The following IDI1 variants were observed in gnomAD, a reference collection of about 807,000 sequenced individuals.
The protein encoded by IDI1 is isopentenyl-diphosphate delta isomerase 1.
IDI1 carries 23 observed loss-of-function variants against 32.9 expected under a neutral mutation model. The ratio of observed to expected loss-of-function variants is 0.70; its 90% CI spans 0.50 to 0.99. The LOEUF (loss-of-function observed/expected upper bound fraction) is 0.99, where lower values mean the gene tolerates loss of function less well. Ranked by LOEUF, IDI1 falls within the 50% of genes least tolerant of loss-of-function variation. The pLI is 0.00. For missense variants in IDI1, 326 were observed against 351.9 expected, an observed-to-expected ratio of 0.93 and a Z score of 0.59; for synonymous variants, 133 against 128.2, an observed-to-expected ratio of 1.04 and a Z score of -0.25.
upstream of IDI1, among the ~76,000 whole-genome samples, chr10:1,051,827 G>T (rs1833021044): frequency 6.6e-6 from 1 of 152,188 alleles, no homozygotes; most frequent in Admixed American, 6.5e-5. Flanking sequence ...AATGAAATTT[G>T]TCACGTTGAT....
intron 1 of IDI1, among the ~76,000 whole-genome samples, chr10:1,045,602 G>C (rs1247916484): frequency 6.6e-6 from 1 of 152,192 alleles, no homozygotes; most frequent in African/African-American, 2.4e-5. Flanking sequence ...AAGTAGCTGG[G>C]ACTACAGGCG....
chr10:1,049,004 C>G lies in IDI1; in HGVS notation c.-1G>C, dbSNP rs773190631. 1 of 1,488,622 alleles carries G rather than the reference C, an allele frequency of 6.7e-7. No individual in the cohort carries two copies. The highest frequency in any genetic ancestry group is 1.3e-5 in the South Asian group (1 of 76,792). The allele number at this position is 1,488,622 out of a possible 1,614,324, so 92.2% of individuals were successfully genotyped here. ...GCGCCAGCGCCAGTCCACGCCACAT[C>G]GCCCGGCCAATTGGCGCCCGTACGC... On this transcript the variant is annotated 5_prime_UTR_variant, in exon 1 of 5. Coordinates refer to ENST00000381344, the MANE Select transcript of IDI1 (RefSeq NM_004508.4).
At chr10:1,051,882 CT>C (rs552016874), upstream of IDI1, among the ~76,000 whole-genome samples, 3 of 152,008 alleles carry the variant, frequency 2.0e-5, no homozygotes, top group South Asian at 2.1e-4. Flanking sequence ...CACAGGAAAA[CT>C]TTTTTTTGAG....
upstream of IDI1, chr10:1,049,695 C>T (rs1832940689): frequency 6.6e-6 from 1 of 152,118 alleles, no homozygotes; most frequent in African/African-American, 2.4e-5. Context: ...ATTCTTGTTG[C>T]CCAGGCTTGA....
In IDI1 at chr10:1,040,551, A is replaced by G. The variant is rs887256853; in HGVS notation, c.*636T>C. The G allele has an allele frequency of 3.3e-5, 5 of 152,314 alleles. No homozygotes were observed. Among genetic ancestry groups the G allele is most frequent in the African/African-American group, 1.2e-4 (5 of 41,454 alleles). The allele number at this position is 152,314 out of a possible 1,614,324, so 9.4% of individuals were successfully genotyped here. Reference sequence around the variant, plus strand: ...ACTATTTACAAGAAGATTCAACCTAATCAATATCACTTATCAAAAGCAGTG... The same window carrying G: ...ACTATTTACAAGAAGATTCAACCTAGTCAATATCACTTATCAAAAGCAGTG... On this transcript the variant is annotated 3_prime_UTR_variant, in exon 5 of 5. Coordinates refer to ENST00000381344, the MANE Select transcript of IDI1 (RefSeq NM_004508.4).
In IDI1 at chr10:1,040,982, A is replaced by G. The variant is rs1371630724; in HGVS notation, c.*205T>C. On this transcript the variant is annotated 3_prime_UTR_variant, in exon 5 of 5. Transcript: ENST00000381344. ...CAAATGTCGCTTAGAAACAGAACAC[A>G]TATCCAGGGTGTGTGATACAAAATT... 1 of 457,576 alleles carries G rather than the reference A, an allele frequency of 2.2e-6. No homozygotes were observed. Among genetic ancestry groups the G allele is most frequent in the Non-Finnish European group, 3.9e-6 (1 of 258,980 alleles). 28.3% of individuals were successfully genotyped at this position (457,576 alleles called of 1,614,324 possible). A position where few individuals can be genotyped will look rare whatever the true frequency, so the allele number is the denominator to read the frequency against.
intron 2 of IDI1, 194 bp downstream of exon 2, chr10:1,043,805 T>A (rs750988118): frequency 3.0e-6 from 2 of 672,814 alleles, no homozygotes; most frequent in South Asian, 1.5e-5. Context: ...GTAACAGGCA[T>A]GAAGTGAAGA....
chr10:1,048,711 C>G (rs893499699), intron 1 of IDI1, 153 bp downstream of exon 1: 2 of 1,425,994 alleles, frequency 1.4e-6, no homozygotes, highest in African/African-American at 3.0e-5. Context: ...CCCTCCAGTT[C>G]GGGAGACCAA....
chr10:1,052,072 C>T (rs1438286019), upstream of IDI1, among the ~76,000 whole-genome samples: 2 of 152,080 alleles, frequency 1.3e-5, no homozygotes, highest in African/African-American at 2.4e-5. Flanking sequence ...TGGGTTTCAC[C>T]ATGTTGGCCA....
At chr10:1,050,498 T>G (rs1450946538), upstream of IDI1, among the ~76,000 whole-genome samples, 1 of 152,186 alleles carries the variant, frequency 6.6e-6, no homozygotes, top group Non-Finnish European at 1.5e-5. Context: ...AAAAAATCAC[T>G]AAGCTTCTAA....
At chr10:1,042,840 A>G in intron 3 of IDI1, 78 bp from the exon 4 acceptor site, 1 of 1,244,466 alleles carries the variant, frequency 8.0e-7, no homozygotes, top group South Asian at 1.3e-5. Context: ...TTTTATAAGT[A>G]ACTGAAAAAT....
chr10:1,054,223 A>C, the IDI1 span, among the ~76,000 whole-genome samples: 1 of 152,252 alleles, frequency 6.6e-6, no homozygotes, highest in Non-Finnish European at 1.5e-5. Context: ...ACAAACCTCC[A>C]CTTTGTAAGA....
In IDI1 at chr10:1,044,127, T is replaced by A; in HGVS notation, c.185A>T (p.Asn62Ile). 1 of 1,613,928 alleles carries A rather than the reference T, an allele frequency of 6.2e-7. No homozygotes were observed. The highest frequency in any genetic ancestry group is 8.5e-7 in the Non-Finnish European group (1 of 1,179,778). ...CTGTTGCTTGTCGAGGTGGTTAGTG[T>A]TTATTTCAGGCATCATTACAAAATG... ...IRHFVMMPEINTNHLDKQQVQ... is the reference protein window; with the variant it reads ...IRHFVMMPEIITNHLDKQQVQ... The change falls in exon 2 of 5, where the codon AAC becomes ATC. Residue 62 changes from asparagine (N) to isoleucine (I), a missense_variant. By Grantham distance (149) the Asn-to-Ile change is moderately radical. This residue lies in a region of IDI1 where 205 missense variants were observed against 273.5 expected (regional missense o/e 0.75). Transcript: ENST00000381344.
chr10:1,043,899 A>T, intron 2 of IDI1, 100 bp downstream of exon 2: 1 of 958,476 alleles, frequency 1.0e-6, no homozygotes, highest in African/African-American at 1.6e-5. Context: ...AAAATACGGT[A>T]TTACTGAAGA....
rs1189649829 is a variant in IDI1, at chr10:1,041,202, T to TTTC, written c.837_839dup (p.Lys280dup). The TTTC allele has an allele frequency of 5.0e-6, 8 of 1,597,122 alleles. No homozygotes were observed. Among genetic ancestry groups the TTTC allele is most frequent in the Non-Finnish European group, 4.3e-6 (5 of 1,167,312 alleles). ...ACCTACATATTCACATTCTGTATAT[T>TTTC]TTCTCATGGTCAACAAACTGATTCA... On this transcript the variant is annotated inframe_insertion, in exon 5 of 5. Coordinates refer to ENST00000381344, the MANE Select transcript of IDI1 (RefSeq NM_004508.4).
chr10:1,054,912 T>G, the IDI1 span, among the ~76,000 whole-genome samples: 1 of 152,198 alleles, frequency 6.6e-6, no homozygotes, highest in Non-Finnish European at 1.5e-5. Context: ...GACACGGACA[T>G]GGAAAACGTC....
At chr10:1,050,331 A>G (rs1832970584), upstream of IDI1, among the ~76,000 whole-genome samples, 1 of 152,238 alleles carries the variant, frequency 6.6e-6, no homozygotes, top group African/African-American at 2.4e-5. Flanking sequence ...ACAGATAAGA[A>G]AATCTGGCCT....
chr10:1,056,432 G>C, the IDI1 span: 2 of 152,120 alleles, frequency 1.3e-5, no homozygotes, highest in Non-Finnish European at 2.9e-5. Context: ...CCAGGCTCCC[G>C]CGCGGCCGGC....
chr10:1,051,134 G>A (rs2131588962), upstream of IDI1, among the ~76,000 whole-genome samples: 1 of 152,244 alleles, frequency 6.6e-6, no homozygotes, highest in Non-Finnish European at 1.5e-5. Context: ...TCATGCATTG[G>A]TCATTTGGAA....
Sources: allele counts gnomAD v4.1 joint callset (sites outside exome capture counted in the v4.1 genomes callset), GRCh38; gene constraint gnomAD v4.1.1; regional missense constraint gnomAD v4.1.1; transcripts MANE v1.5; gene names NCBI Gene and HGNC (gene_info 2026-07-23, HGNC 2026-07-21).